LIN54: variants seen among roughly 807,000 people sequenced by gnomAD.
The protein encoded by LIN54 is protein lin-54 homolog.
A neutral mutation model predicts 78.7 loss-of-function variants in LIN54; 9 were observed. That is an observed-to-expected ratio of 0.11 (90% CI 0.07 to 0.20). The LOEUF (loss-of-function observed/expected upper bound fraction) is 0.20, where lower values mean the gene tolerates loss of function less well. Ranked by LOEUF, LIN54 falls within the 10% of genes least tolerant of loss-of-function variation. The pLI is 1.00. For synonymous variants in LIN54, 269 were observed against 318.4 expected (o/e 0.84, Z 1.65); for missense variants, 573 against 889.9 (o/e 0.64, Z 4.53).
intron 1 of LIN54, among the ~76,000 whole-genome samples, chr4:83,005,651 A>C (rs967062217): frequency 1.1e-4 from 16 of 152,158 alleles, no homozygotes; most frequent in African/African-American, 3.4e-4. Context: ...AAAGTCAAAA[A>C]ATAGATGCTG....
chr4:82,935,942 G>A (rs1205915182), intron 11 of LIN54, 39 bp downstream of exon 11: 5 of 1,600,252 alleles, frequency 3.1e-6, no homozygotes, highest in South Asian at 1.1e-5. Flanking sequence ...TTCTAAAACT[G>A]TTTTTAAAAG....
At chr4:83,002,657 A>G (rs9307810) in intron 1 of LIN54, among the ~76,000 whole-genome samples, 64,341 of 152,100 alleles carry the variant, frequency 0.42, 16,801 homozygotes, top group Admixed American at 0.58. Flanking sequence ...ACATGAAGAC[A>G]AGGATGAGGA....
chr4:82,928,274 A>G lies in LIN54; in HGVS notation c.2078T>C (p.Val693Ala), dbSNP rs1210086329. ...GAGGCAATTACATGTGGCTTCAGCTACTTCCTTAGTTACAAATGTAAATGG... is the reference window on the plus strand; with the variant it reads ...GAGGCAATTACATGTGGCTTCAGCTGCTTCCTTAGTTACAAATGTAAATGG... ...KLPFTFVTKEVAEATCNCLLA... is the reference protein window; with the variant it reads ...KLPFTFVTKEAAEATCNCLLA... Residue 693 changes from valine to alanine, a missense_variant, in exon 13 of 13, where the codon GTA becomes GCA. Physicochemically the swap from Val to Ala is moderately conservative, Grantham distance 64. Around this residue, in one of 6 missense-constraint regions of LIN54, gnomAD observed 82 missense variants for 140.8 expected, o/e 0.58. Transcript: ENST00000340417. 1 of 1,614,170 alleles carries G rather than the reference A, an allele frequency of 6.2e-7. No individual in the cohort carries two copies.
chr4:83,012,519 G>A (rs1729916303), upstream of LIN54, among the ~76,000 whole-genome samples: 1 of 152,080 alleles, frequency 6.6e-6, no homozygotes. Flanking sequence ...GCGGCTGGCC[G>A]AGCGCTGGCC....
intron 11 of LIN54, 60 bp from the exon 12 acceptor site, chr4:82,931,205 G>A (rs1721923940): frequency 8.2e-7 from 1 of 1,226,632 alleles, no homozygotes; most frequent in Non-Finnish European, 1.2e-6. Flanking sequence ...ACTATAAGTA[G>A]ATGCCACAAT....
chr4:82,967,123 C>T (rs1031838629), intron 4 of LIN54, among the ~76,000 whole-genome samples: 6 of 150,596 alleles, frequency 4.0e-5, no homozygotes, highest in African/African-American at 1.2e-4. Context: ...CTACTCGGGA[C>T]GCTGAGGCAG....
At chr4:82,954,543 AAGT>A (rs1724127285) in intron 4 of LIN54, among the ~76,000 whole-genome samples, 1 of 152,002 alleles carries the variant, frequency 6.6e-6, no homozygotes, top group Non-Finnish European at 1.5e-5. Context: ...TCAGCCTGCC[AAGT>A]AGTAGGAAGT....
chr4:82,941,037 A>G (rs563810438), intron 5 of LIN54, among the ~76,000 whole-genome samples: 1 of 152,150 alleles, frequency 6.6e-6, no homozygotes, highest in Non-Finnish European at 1.5e-5. Flanking sequence ...AAACTAAAGC[A>G]CTAGACCTCT....
At chr4:82,958,378 T>G (rs1457945275) in intron 4 of LIN54, among the ~76,000 whole-genome samples, 1 of 152,192 alleles carries the variant, frequency 6.6e-6, no homozygotes, top group Non-Finnish European at 1.5e-5. Flanking sequence ...GAGTTTTAGC[T>G]AGTGAAATGA....
Position 82,931,175 on chromosome 4 carries a change from A to C in LIN54, c.1846-30T>G, listed in dbSNP as rs191604134. On this transcript the variant is annotated intron_variant, in intron 11 of 12. Transcript: ENST00000340417. ...AAGATTTACATAAGAAAAGTTTCCA[A>C]ATCAAAACCAAAATACATTACTATA... 2.6e-3 allele frequency: 4,009 copies of C among 1,546,594 alleles called. 6 individuals carry two copies. The highest frequency in any genetic ancestry group is 3.3e-3 in the Non-Finnish European group (3,642 of 1,120,308).
intron 1 of LIN54, among the ~76,000 whole-genome samples, chr4:82,992,522 T>A (rs1348175285): frequency 1.3e-5 from 2 of 152,010 alleles, no homozygotes; most frequent in Non-Finnish European, 2.9e-5. Flanking sequence ...AAAATAAAGA[T>A]AAAAATTAGC....
At chr4:82,933,454 A>G (rs1722136081) in intron 11 of LIN54, among the ~76,000 whole-genome samples, 1 of 151,914 alleles carries the variant, frequency 6.6e-6, no homozygotes, top group African/African-American at 2.4e-5. Flanking sequence ...GTGGGTAGCC[A>G]TTCATCCAAT....
intron 1 of LIN54, among the ~76,000 whole-genome samples, chr4:83,000,516 T>C (rs1190259852): frequency 2.0e-5 from 3 of 152,200 alleles, no homozygotes; most frequent in African/African-American, 7.2e-5. Context: ...ATGAAGTACC[T>C]TGACAGTAAG....
intron 1 of LIN54, among the ~76,000 whole-genome samples, chr4:83,001,553 AAAGAAAAAGAAG>A: frequency 6.6e-6 from 1 of 151,596 alleles, no homozygotes; most frequent in Non-Finnish European, 1.5e-5. Context: ...GTCAAAAAGA[AAAGAAAAAGAAG>A]CCGGGCGCAG....
Position 82,938,395 on chromosome 4 carries a change from T to C in LIN54, c.1532+18A>G, listed in dbSNP as rs746696316. ...AAGCTGATCTAACAACTTATGTACC[T>C]ATTTTCAAAATACTCACCCATTGAA... On this transcript the variant is annotated intron_variant, in intron 8 of 12. Transcript: ENST00000340417. The C allele has an allele frequency of 5.0e-6, 7 of 1,388,492 alleles. No individual in the cohort carries two copies. Among genetic ancestry groups the C allele is most frequent in the Non-Finnish European group, 7.2e-6 (7 of 975,484 alleles). 86.0% of individuals were successfully genotyped at this position (1,388,492 alleles called of 1,614,324 possible).
At chr4:82,997,959 A>C (rs1483228873) in intron 1 of LIN54, among the ~76,000 whole-genome samples, 1 of 147,648 alleles carries the variant, frequency 6.8e-6, no homozygotes, top group Non-Finnish European at 1.5e-5. Flanking sequence ...GCACCACTGC[A>C]CTCCAGCCTG....
chr4:82,931,773 CTTTCA>C (rs1419788209), intron 11 of LIN54, among the ~76,000 whole-genome samples: 1 of 151,942 alleles, frequency 6.6e-6, no homozygotes, highest in African/African-American at 2.4e-5. Flanking sequence ...AAATATAGAA[CTTTCA>C]TTTTTTAGTT....
chr4:82,996,501 G>T (rs1728232252), intron 1 of LIN54, among the ~76,000 whole-genome samples: 1 of 151,990 alleles, frequency 6.6e-6, no homozygotes, highest in South Asian at 2.1e-4. Flanking sequence ...TGCCTCCCGG[G>T]TTCAAGAGAT....
intron 1 of LIN54, among the ~76,000 whole-genome samples, chr4:83,000,827 C>CTTTTTTTTTTTTTTTTTTTTTTTT (rs1553959274): frequency 1.6e-4 from 19 of 120,536 alleles, no homozygotes; most frequent in South Asian, 2.6e-4. Context: ...GCAATAAATT[C>CTTTTTTTTTTTTTTTTTTTTTTTT]TTTTTTTTTT....
Sources: allele counts gnomAD v4.1 joint callset (sites outside exome capture counted in the v4.1 genomes callset), GRCh38; gene constraint gnomAD v4.1.1; regional missense constraint gnomAD v4.1.1; transcripts MANE v1.5; gene names NCBI Gene and HGNC (gene_info 2026-07-23, HGNC 2026-07-21).